The following SRBD1 variants were observed in gnomAD, a reference collection of about 807,000 sequenced individuals.
SRBD1 encodes the protein S1 RNA-binding domain-containing protein 1.
In SRBD1, 88 loss-of-function variants were observed where a neutral mutation model predicts 115.3. That is an observed-to-expected ratio of 0.76 (90% CI 0.64 to 0.91). The LOEUF is 0.91. SRBD1 is among the 40% of genes least tolerant of loss of function. The probability of loss-of-function intolerance (pLI) is 0.00; values close to 1 mark genes in which losing one functional copy is unlikely to be tolerated. For synonymous variants in SRBD1, 509 were observed against 407.7 expected (o/e 1.25, Z -2.99); for missense variants, 1,385 against 1,177.4 (o/e 1.18, Z -2.58).
At chr2:45,552,995 A>G (rs1180992780) in intron 11 of SRBD1, among the ~76,000 whole-genome samples, 1 of 152,204 alleles carries the variant, frequency 6.6e-6, no homozygotes, top group Non-Finnish European at 1.5e-5. Flanking sequence ...ATAATCTATA[A>G]TATTTTGGAA....
At position 45,585,737 on chromosome 2, in the gene SRBD1, C is replaced by G. The variant is rs1425333097; in HGVS notation, c.686G>C (p.Cys229Ser). 1.2e-6 allele frequency: 2 copies of G among 1,610,096 alleles called. No homozygotes were observed. ...ATTAAAGAGACGAATGATGTTGGCA[C>G]AAACCCAAGGTTCAATATTAGTTCT... is the stretch of plus-strand genomic sequence containing the variant. ...SERTNIEPWV[C>S]ANIIRLFNDD... Residue 229 changes from cysteine (C) to serine (S), a missense_variant, in exon 5 of 21, where the codon TGT becomes TCT. Transcript: ENST00000263736.
chr2:45,445,226 T>C (rs949517334), intron 16 of SRBD1, among the ~76,000 whole-genome samples: 1 of 152,216 alleles, frequency 6.6e-6, no homozygotes, highest in Non-Finnish European at 1.5e-5. Context: ...AAAAAGATTC[T>C]GGCTTAAGAC....
rs115797671 is a variant in SRBD1, at chr2:45,393,963, A to G, written c.2514-834T>C. Among the ~76,000 whole-genome samples the G allele has an allele frequency of 5.3e-3, 813 of 152,284 alleles. 5 individuals carry two copies. Among genetic ancestry groups the G allele is most frequent in the African/African-American group, 0.019 (791 of 41,552 alleles). ...GCATACCATCAGCTTAATAACTCTC[A>G]AATTCCGTAACAGTTGAGCCTCATA... On this transcript the variant is annotated intron_variant, in intron 19 of 20. Transcript: ENST00000263736.
intron 18 of SRBD1, among the ~76,000 whole-genome samples, chr2:45,414,097 C>T (rs1461627955): frequency 6.6e-6 from 1 of 152,096 alleles, no homozygotes; most frequent in Non-Finnish European, 1.5e-5. Context: ...TTCTCACTGG[C>T]AAACATCAGA....
intron 9 of SRBD1, among the ~76,000 whole-genome samples, chr2:45,567,140 T>C (rs1672854255): frequency 6.6e-6 from 1 of 152,152 alleles, no homozygotes; most frequent in African/African-American, 2.4e-5. Context: ...TGTCAAAAGA[T>C]AAAACGCGTA....
chr2:45,442,772 T>G (rs2103714363), intron 16 of SRBD1, among the ~76,000 whole-genome samples: 1 of 152,348 alleles, frequency 6.6e-6, no homozygotes, highest in Admixed American at 6.5e-5. Flanking sequence ...ATCAGCAACT[T>G]ATTTCCATTT....
At chr2:45,605,282 G>T in intron 2 of SRBD1, 80 bp downstream of exon 2, 1 of 1,396,202 alleles carries the variant, frequency 7.2e-7, no homozygotes, top group Non-Finnish European at 9.9e-7. Flanking sequence ...CACTTAAGGA[G>T]TTAGAAAGTG....
intron 4 of SRBD1, among the ~76,000 whole-genome samples, chr2:45,596,523 T>C (rs72882485): frequency 0.027 from 4,044 of 152,322 alleles, 188 homozygotes; most frequent in African/African-American, 0.091. Context: ...GAGTCAATTC[T>C]CAGTAATTTC....
chr2:45,526,482 G>A (rs1054481290), intron 14 of SRBD1, among the ~76,000 whole-genome samples: 1 of 151,904 alleles, frequency 6.6e-6, no homozygotes, highest in Non-Finnish European at 1.5e-5. Context: ...GGAGAGAAGG[G>A]AGTGAGAGCT....
intron 9 of SRBD1, among the ~76,000 whole-genome samples, chr2:45,571,293 G>C (rs1673000775): frequency 6.6e-6 from 1 of 151,200 alleles, no homozygotes; most frequent in Non-Finnish European, 1.5e-5. Context: ...TTTTGTTTTT[G>C]GCTCCAGGCA....
At chr2:45,541,830 C>G (rs1238913812) in intron 14 of SRBD1, among the ~76,000 whole-genome samples, 1 of 152,246 alleles carries the variant, frequency 6.6e-6, no homozygotes, top group African/African-American at 2.4e-5. Flanking sequence ...GTCAGTCTGG[C>G]TGAGTCCAGG....
chr2:45,424,196 A>C (rs1490184535), intron 16 of SRBD1, among the ~76,000 whole-genome samples: 1 of 152,092 alleles, frequency 6.6e-6, no homozygotes, highest in Non-Finnish European at 1.5e-5. Context: ...AATTCAACCT[A>C]GGATGACATA....
At chr2:45,492,448 G>C (rs62127152) in intron 14 of SRBD1, among the ~76,000 whole-genome samples, 55,175 of 151,868 alleles carry the variant, frequency 0.36, 10,896 homozygotes, top group Non-Finnish European at 0.45. Flanking sequence ...TGTTGTTGTT[G>C]TTGTTTTTGA....
intron 16 of SRBD1, among the ~76,000 whole-genome samples, chr2:45,440,262 C>A (rs1668624087): frequency 6.6e-6 from 1 of 152,074 alleles, no homozygotes; most frequent in Non-Finnish European, 1.5e-5. Flanking sequence ...TGTATGTTAT[C>A]TAAGAGTCCT....
intron 16 of SRBD1, among the ~76,000 whole-genome samples, chr2:45,449,030 A>G (rs1395392710): frequency 6.6e-6 from 1 of 152,194 alleles, no homozygotes; most frequent in African/African-American, 2.4e-5. Context: ...TTTTATTTTC[A>G]CATTTTATTA....
In SRBD1 at chr2:45,524,067, G is replaced by A. The variant is rs79986041; in HGVS notation, c.1874+22665C>T. Among the ~76,000 whole-genome samples the A allele has an allele frequency of 3.9e-3, 588 of 151,850 alleles. 5 individuals are homozygous for A. Among genetic ancestry groups the A allele is most frequent in the African/African-American group, 0.013 (538 of 41,478 alleles). ...AATTAAAAACAAAATTCATATGATCGCAGAAACAAAAAAAGGAGTTTGACA... is the reference window on the plus strand; with the variant it reads ...AATTAAAAACAAAATTCATATGATCACAGAAACAAAAAAAGGAGTTTGACA... On this transcript the variant is annotated intron_variant, in intron 14 of 20. Coordinates refer to ENST00000263736, the MANE Select transcript of SRBD1 (RefSeq NM_018079.5).
chr2:45,585,081 CAG>C (rs1488014900), intron 5 of SRBD1, among the ~76,000 whole-genome samples: 1 of 151,180 alleles, frequency 6.6e-6, no homozygotes, highest in Non-Finnish European at 1.5e-5. Context: ...GCCTGGGATA[CAG>C]AGATTGTAGT....
Position 45,551,138 on chromosome 2 carries a change from T to TA in SRBD1, c.1661dup (p.Ile555AsnfsTer5). ...AAGACAACTTACTAGTAGGAGAAAT[T>TA]ATAGCTAATTTGCAACCATGTTTAT... is the stretch of plus-strand genomic sequence containing the variant. On this transcript the variant is annotated frameshift_variant, in exon 12 of 21. Transcript: ENST00000263736. LOFTEE classifies it high-confidence loss of function. 2.5e-6 allele frequency: 4 copies of TA among 1,594,510 alleles called. No individual in the cohort carries two copies. Among genetic ancestry groups the TA allele is most frequent in the Non-Finnish European group, 3.4e-6 (4 of 1,175,018 alleles).
chr2:45,502,589 C>A (rs1670667793), intron 14 of SRBD1, among the ~76,000 whole-genome samples: 1 of 151,760 alleles, frequency 6.6e-6, no homozygotes, highest in African/African-American at 2.4e-5. Flanking sequence ...GGACAGAAAA[C>A]CATACACCGC....
Sources: allele counts gnomAD v4.1 joint callset (sites outside exome capture counted in the v4.1 genomes callset), GRCh38; gene constraint gnomAD v4.1.1; transcripts MANE v1.5; gene names NCBI Gene and HGNC (gene_info 2026-07-23, HGNC 2026-07-21).